ACAP2: variants seen among roughly 807,000 people sequenced by gnomAD.
ACAP2 encodes arf-GAP with coiled-coil, ANK repeat and PH domain-containing protein 2.
ACAP2 carries 39 observed loss-of-function variants against 115.8 expected under a neutral mutation model. The observed-to-expected ratio is 0.34, with a 90% CI of 0.26 to 0.44. The LOEUF (loss-of-function observed/expected upper bound fraction) is 0.44. Among genes scored for constraint, ACAP2 ranks in the 20% least tolerant of loss-of-function variants. ACAP2 has a pLI of 1.00. For missense variants in ACAP2, 662 were observed against 927.6 expected, an observed-to-expected ratio of 0.71 and a Z score of 3.72; for synonymous variants, 289 against 315.8, an observed-to-expected ratio of 0.92 and a Z score of 0.90.
chr3:195,367,870 GCCAC>G, intron 4 of ACAP2, among the ~76,000 whole-genome samples: 1 of 152,266 alleles, frequency 6.6e-6, no homozygotes, highest in African/African-American at 2.4e-5. Flanking sequence ...GAATCCTTCA[GCCAC>G]AGTCAAGCCA....
At chr3:195,356,182 G>A (rs922666340) in intron 4 of ACAP2, 5 of 456,334 alleles carry the variant, frequency 1.1e-5, no homozygotes, top group African/African-American at 2.0e-5. Context: ...AAGAATCTGC[G>A]CTGCACACGG....
chr3:195,329,906 C>A (rs1485463428), intron 8 of ACAP2, among the ~76,000 whole-genome samples: 1 of 152,100 alleles, frequency 6.6e-6, no homozygotes, highest in Non-Finnish European at 1.5e-5. Context: ...TTTCTTATGT[C>A]CCCGCCCCAA....
chr3:195,328,797 C>T (rs1729971343), intron 8 of ACAP2, among the ~76,000 whole-genome samples: 1 of 152,282 alleles, frequency 6.6e-6, no homozygotes, highest in East Asian at 1.9e-4. Flanking sequence ...ATGTCTCTTG[C>T]GGCTGGGCGT....
intron 13 of ACAP2, among the ~76,000 whole-genome samples, chr3:195,303,965 G>A (rs564187330): frequency 6.6e-6 from 1 of 152,014 alleles, no homozygotes; most frequent in South Asian, 2.1e-4. Flanking sequence ...TTCGAGAGCA[G>A]CCTGGCCAAT....
intron 10 of ACAP2, among the ~76,000 whole-genome samples, chr3:195,319,211 T>C (rs1729287568): frequency 6.6e-6 from 1 of 152,200 alleles, no homozygotes; most frequent in African/African-American, 2.4e-5. Context: ...ATAGAAATGC[T>C]TGAAGGTCCA....
chr3:195,439,618 T>A (rs1310061116), intron 1 of ACAP2, among the ~76,000 whole-genome samples: 1 of 150,626 alleles, frequency 6.6e-6, no homozygotes, highest in Non-Finnish European at 1.5e-5. Context: ...ATTTTGGGTT[T>A]TTTTGTTTTT....
chr3:195,408,967 A>G lies in ACAP2; in HGVS notation c.54-16820T>C, dbSNP rs112523981. Among the ~76,000 whole-genome samples the G allele has an allele frequency of 3.3e-3, 497 of 152,326 alleles. 3 individuals carry two copies. The highest frequency in any genetic ancestry group is 0.011 in the African/African-American group (475 of 41,568). On this transcript the variant is annotated intron_variant, in intron 1 of 22. Coordinates refer to ENST00000326793, the MANE Select transcript of ACAP2 (RefSeq NM_012287.6). ...TACTTCAACATAATAAAAGCCATAT[A>G]CCAAAAAACCACAGTGAACATCATA...
chr3:195,391,228 C>T (rs59679176), intron 2 of ACAP2, among the ~76,000 whole-genome samples: 36,214 of 129,286 alleles, frequency 0.28, 4,854 homozygotes, highest in East Asian at 0.71. Flanking sequence ...GCTTCTCTTT[C>T]TTTTTTTTTT....
intron 8 of ACAP2, among the ~76,000 whole-genome samples, chr3:195,331,000 A>G (rs529273828): frequency 2.0e-4 from 31 of 152,284 alleles, no homozygotes; most frequent in African/African-American, 7.5e-4. Flanking sequence ...CCACCATACC[A>G]TGTCTTTGAC....
chr3:195,379,986 A>G (rs1017841583), intron 4 of ACAP2, among the ~76,000 whole-genome samples: 1 of 152,218 alleles, frequency 6.6e-6, no homozygotes, highest in Non-Finnish European at 1.5e-5. Flanking sequence ...AAAATTGACA[A>G]TAACAAGTGT....
chr3:195,404,068 C>G (rs1178390451), intron 1 of ACAP2, among the ~76,000 whole-genome samples: 1 of 152,262 alleles, frequency 6.6e-6, no homozygotes, highest in African/African-American at 2.4e-5. Context: ...AGGCCCCGCA[C>G]GGTGGCTCAT....
rs148094698 is a variant in ACAP2 at position 195,302,799 on chromosome 3, T to C, written c.1117-625A>G. On this transcript the variant is annotated intron_variant, in intron 13 of 22. Transcript: ENST00000326793. Reference sequence around the variant, plus strand: ...AGATGGCTGATTAACAAAAAGTTAATTTTTTGGCCGAGAGCGGTGTCACCC... The same window carrying C: ...AGATGGCTGATTAACAAAAAGTTAACTTTTTGGCCGAGAGCGGTGTCACCC... Among the ~76,000 whole-genome samples, 153 of 152,284 alleles carry C rather than the reference T, an allele frequency of 1.0e-3. 2 individuals are homozygous for C. In the East Asian group the frequency reaches 0.028, roughly 28 times the overall value.
chr3:195,431,863 G>A (rs946190835), intron 1 of ACAP2, among the ~76,000 whole-genome samples: 1 of 151,980 alleles, frequency 6.6e-6, no homozygotes, highest in African/African-American at 2.4e-5. Flanking sequence ...TCCCAATGCT[G>A]GTTATTATCT....
rs116438386 is a variant in ACAP2 at position 195,432,821 on chromosome 3, G to A, written c.53+9974C>T. Among the ~76,000 whole-genome samples the A allele has an allele frequency of 1.8e-3, 267 of 152,198 alleles. 1 individual carries two copies. Among genetic ancestry groups the A allele is most frequent in the Non-Finnish European group, 3.2e-3 (215 of 68,008 alleles). ...TTCAGCCTTCTGATCCATGAACATGGGATGTATTTCCATTTATTCAGGTCT... is the reference window on the plus strand; with the variant it reads ...TTCAGCCTTCTGATCCATGAACATGAGATGTATTTCCATTTATTCAGGTCT... On this transcript the variant is annotated intron_variant, in intron 1 of 22. Transcript: ENST00000326793.
At chr3:195,281,271 G>A (rs1036104763) in intron 22 of ACAP2, among the ~76,000 whole-genome samples, 1 of 152,100 alleles carries the variant, frequency 6.6e-6, no homozygotes, top group Non-Finnish European at 1.5e-5. Context: ...CGGGCGTGGT[G>A]GTGGGCGCCT....
chr3:195,289,142 G>C lies in ACAP2; in HGVS notation c.2153C>G (p.Ala718Gly). The C allele has an allele frequency of 1.2e-6, 2 of 1,610,308 alleles. No individual in the cohort carries two copies. The highest frequency in any genetic ancestry group is 1.7e-6 in the Non-Finnish European group (2 of 1,178,964). Residue 718 changes from alanine to glycine, a missense_variant, in exon 21 of 23, where the codon GCC (alanine) becomes GGC (glycine). Coordinates refer to ENST00000326793, the MANE Select transcript of ACAP2 (RefSeq NM_012287.6). ...TTACAAGGTGACTATATCAGCATTG[G>C]CTGCTTCCACAGCTATGCTCAAAGG... ...KDPLSIAVEA[A>G]NADIVTLLRL...
intron 17 of ACAP2, 56 bp downstream of exon 17, chr3:195,295,652 A>T (rs1727595501): frequency 6.3e-7 from 1 of 1,587,308 alleles, no homozygotes; most frequent in East Asian, 2.2e-5. Flanking sequence ...AGGGATTATA[A>T]AAGTGATTTG....
chr3:195,385,737 A>T (rs1734257634), intron 2 of ACAP2, among the ~76,000 whole-genome samples: 1 of 152,192 alleles, frequency 6.6e-6, no homozygotes, highest in Non-Finnish European at 1.5e-5. Flanking sequence ...TATATCAAGA[A>T]TTCCAGGAAT....
intron 1 of ACAP2, among the ~76,000 whole-genome samples, chr3:195,402,192 A>C (rs1577420679): frequency 1.3e-5 from 2 of 152,176 alleles, no homozygotes; most frequent in Non-Finnish European, 1.5e-5. Context: ...TTACCAGGTA[A>C]ACATTTGTTG....
Sources: gnomAD v4.1 joint callset for allele counts (sites outside exome capture counted in the v4.1 genomes callset) on GRCh38, gnomAD v4.1.1 for gene constraint, MANE v1.5 for transcripts, NCBI Gene and HGNC (gene_info 2026-07-23, HGNC 2026-07-21) for gene names.